The following PCDH15 variants were observed in gnomAD, a reference collection of about 807,000 sequenced individuals.
The protein encoded by PCDH15 is protocadherin related 15.
PCDH15 carries 129 observed loss-of-function variants against 178.5 expected under a neutral mutation model. The ratio of observed to expected loss-of-function variants is 0.72; its 90% confidence interval spans 0.63 to 0.84. PCDH15 has a LOEUF of 0.84. Among genes scored for constraint, PCDH15 ranks in the 40% least tolerant of loss-of-function variants. The pLI is 0.00. For missense variants in PCDH15, 2,230 were observed against 2,099.9 expected (o/e 1.06, Z -1.21); for synonymous variants, 800 against 732.0 (o/e 1.09, Z -1.50).
intron 2 of PCDH15, among the ~76,000 whole-genome samples, chr10:55,443,202 G>A (rs1839236694): frequency 6.6e-6 from 1 of 151,976 alleles, no homozygotes; most frequent in South Asian, 2.1e-4. Context: ...GAAAACCTAG[G>A]CAATACCATT....
chr10:55,250,605 C>T (rs1463601822), intron 1 of PCDH15, among the ~76,000 whole-genome samples: 7 of 138,340 alleles, frequency 5.1e-5, no homozygotes, highest in East Asian at 2.2e-4. Flanking sequence ...GGTGTGATCT[C>T]GGCTCACTGC....
chr10:54,752,918 G>T (rs1341136285), intron 1 of PCDH15, among the ~76,000 whole-genome samples: 4 of 152,116 alleles, frequency 2.6e-5, no homozygotes, highest in African/African-American at 7.2e-5. Context: ...AATGAGGTTC[G>T]AAAATAATTA....
intron 2 of PCDH15, among the ~76,000 whole-genome samples, chr10:55,146,811 A>G (rs1419880623): frequency 6.6e-6 from 1 of 151,678 alleles, no homozygotes; most frequent in Admixed American, 6.6e-5. Context: ...AAAACTACAA[A>G]TAAGCAATTA....
At chr10:54,105,256 A>T (rs1172163673) in intron 15 of PCDH15, among the ~76,000 whole-genome samples, 1 of 145,316 alleles carries the variant, frequency 6.9e-6, no homozygotes, top group Non-Finnish European at 1.5e-5. Flanking sequence ...ATATAGATAT[A>T]GATATAGACA....
In PCDH15 at chr10:54,413,823, C is replaced by T. The variant is rs572853839; in HGVS notation, c.158-34881G>A. On this transcript the variant is annotated intron_variant, in intron 3 of 37. Coordinates refer to ENST00000644397, the MANE Select transcript of PCDH15 (RefSeq NM_001384140.1). Reference sequence around the variant, plus strand: ...TTCTGTTTCTGAGTTATTTCACATACGATAATGGCCTACAATTGCAATAAT... The same window carrying T: ...TTCTGTTTCTGAGTTATTTCACATATGATAATGGCCTACAATTGCAATAAT... 1.1e-4 allele frequency among the ~76,000 whole-genome samples: 16 copies of T among 152,120 alleles called. 1 individual carries two copies. The South Asian group carries it at 1.9e-3, about 18-fold the overall frequency.
chr10:55,274,528 A>G (rs897048425), intron 1 of PCDH15, among the ~76,000 whole-genome samples: 3 of 151,970 alleles, frequency 2.0e-5, no homozygotes, highest in Admixed American at 6.5e-5. Context: ...ACTCCATTTT[A>G]TTCATTCATC....
chr10:54,726,978 A>T (rs1485830982), intron 1 of PCDH15, among the ~76,000 whole-genome samples: 2 of 147,702 alleles, frequency 1.4e-5, no homozygotes. Flanking sequence ...GAAACTTGGA[A>T]AATATTTTTG....
At chr10:54,166,460 A>G (rs1036215282) in intron 13 of PCDH15, among the ~76,000 whole-genome samples, 2 of 152,206 alleles carry the variant, frequency 1.3e-5, no homozygotes, top group African/African-American at 4.8e-5. Flanking sequence ...GTAATACAAC[A>G]TGTAGCATAC....
At chr10:55,212,866 T>A (rs916367331) in intron 1 of PCDH15, among the ~76,000 whole-genome samples, 1 of 152,066 alleles carries the variant, frequency 6.6e-6, no homozygotes. Flanking sequence ...ATCAAATAAT[T>A]TTTTTCCTAA....
At chr10:54,144,811 G>A (rs371781496) in intron 14 of PCDH15, among the ~76,000 whole-genome samples, 1 of 152,274 alleles carries the variant, frequency 6.6e-6, no homozygotes, top group Admixed American at 6.5e-5. Context: ...AAATGGAAAA[G>A]ATTTGCTGAC....
chr10:53,830,009 C>T (rs925093175), intron 30 of PCDH15, among the ~76,000 whole-genome samples: 1 of 152,066 alleles, frequency 6.6e-6, no homozygotes, highest in Non-Finnish European at 1.5e-5. Context: ...TTTAAGAATA[C>T]ATAAGGACTA....
chr10:54,843,441 T>C (rs918473256), intron 3 of PCDH15, among the ~76,000 whole-genome samples: 8 of 151,978 alleles, frequency 5.3e-5, no homozygotes, highest in African/African-American at 1.7e-4. Context: ...TTAGAAAACA[T>C]CTTAATTGTG....
intron 2 of PCDH15, among the ~76,000 whole-genome samples, chr10:55,600,964 G>A (rs192441161): frequency 6.6e-6 from 1 of 152,042 alleles, no homozygotes; most frequent in African/African-American, 2.4e-5. Flanking sequence ...CATATTTATG[G>A]TAGTTTCCCA....
chr10:55,169,601 C>T (rs1839278355), intron 1 of PCDH15, among the ~76,000 whole-genome samples: 2 of 152,128 alleles, frequency 1.3e-5, no homozygotes, highest in Non-Finnish European at 1.5e-5. Flanking sequence ...GTCTTCATAA[C>T]CACTATCCAC....
At chr10:54,390,400 C>G (rs749113628) in intron 3 of PCDH15, among the ~76,000 whole-genome samples, 1 of 152,164 alleles carries the variant, frequency 6.6e-6, no homozygotes, top group African/African-American at 2.4e-5. Context: ...TCACGCCATT[C>G]TTCTGCCTCA....
intron 2 of PCDH15, among the ~76,000 whole-genome samples, chr10:54,986,955 T>C (rs1051491156): frequency 1.3e-5 from 2 of 152,150 alleles, no homozygotes; most frequent in Non-Finnish European, 2.9e-5. Flanking sequence ...ACTACATAGA[T>C]ATACGTGTGC....
chr10:54,590,063 T>G (rs1429403846), intron 2 of PCDH15, among the ~76,000 whole-genome samples: 1 of 152,204 alleles, frequency 6.6e-6, no homozygotes, highest in Non-Finnish European at 1.5e-5. Context: ...CAAAAAGAAC[T>G]GCTAATCACT....
intron 2 of PCDH15, among the ~76,000 whole-genome samples, chr10:55,018,666 T>A (rs928332589): frequency 9.9e-4 from 151 of 152,184 alleles, no homozygotes; most frequent in Admixed American, 2.2e-3. Context: ...TTGAAGAAAC[T>A]TTTTAAAGAA....
At chr10:54,568,667 G>A (rs553299076) in intron 2 of PCDH15, 1 of 152,008 alleles carries the variant, frequency 6.6e-6, no homozygotes, top group Non-Finnish European at 1.5e-5. Flanking sequence ...TTTCCATAAA[G>A]GAATACAGGT....
Sources: allele counts gnomAD v4.1 joint callset (sites outside exome capture counted in the v4.1 genomes callset), GRCh38; gene constraint gnomAD v4.1.1; transcripts MANE v1.5; gene names NCBI Gene and HGNC (gene_info 2026-07-23, HGNC 2026-07-21).